Variants in FGF12 observed in about 807,000 individuals in gnomAD.
The protein encoded by FGF12 is fibroblast growth factor 12.
In FGF12, 14 loss-of-function variants were observed where a neutral mutation model predicts 23.6. That is an observed-to-expected ratio of 0.59 (90% CI 0.39 to 0.93). The LOEUF (loss-of-function observed/expected upper bound fraction) is 0.93. FGF12 is among the 40% of genes least tolerant of loss of function. FGF12 has a pLI of 0.00. For missense variants in FGF12, 175 were observed against 217.8 expected, an observed-to-expected ratio of 0.80 and a Z score of 1.24; for synonymous variants, 62 against 77.3, an observed-to-expected ratio of 0.80 and a Z score of 1.04.
chr3:192,286,709 T>C (rs1178845896), intron 4 of FGF12, among the ~76,000 whole-genome samples: 1 of 152,016 alleles, frequency 6.6e-6, no homozygotes, highest in Non-Finnish European at 1.5e-5. Context: ...AAGACAATGG[T>C]TTATTGTTGT....
chr3:192,547,149 C>G (rs893460831), intron 2 of FGF12, among the ~76,000 whole-genome samples: 1 of 152,170 alleles, frequency 6.6e-6, no homozygotes. Flanking sequence ...TTTCACATAT[C>G]AAAAGAAACC....
intron 2 of FGF12, among the ~76,000 whole-genome samples, chr3:192,378,035 T>TC (rs1491033412): frequency 0.011 from 655 of 57,996 alleles, 109 homozygotes; most frequent in African/African-American, 0.059. Flanking sequence ...CTTTTCTTTC[T>TC]TTCTTTCTTT....
At chr3:192,645,654 A>G (rs1560180065) in intron 2 of FGF12, among the ~76,000 whole-genome samples, 1 of 152,018 alleles carries the variant, frequency 6.6e-6, no homozygotes, top group Non-Finnish European at 1.5e-5. Flanking sequence ...GGCAGTCATC[A>G]GAGTACAGGT....
rs1716160893 is a variant in FGF12 at position 192,181,361 on chromosome 3, A to G, written c.229-10705T>C. ...CAAGACAAGACCTACACGCACACAC[A>G]CAGACACACACACACAGACACACAC... On this transcript the variant is annotated intron_variant, in intron 4 of 5. Coordinates refer to ENST00000445105, the MANE Select transcript of FGF12 (RefSeq NM_004113.6). Among the ~76,000 whole-genome samples, 7 of 141,968 alleles carry G rather than the reference A, an allele frequency of 4.9e-5. No homozygotes were observed. The South Asian group carries it at 1.5e-3, about 31-fold the overall frequency. 93.1% of individuals were successfully genotyped at this position (141,968 alleles called of 152,430 possible).
chr3:192,724,682 T>C (rs1009870484), intron 2 of FGF12, among the ~76,000 whole-genome samples: 4 of 152,186 alleles, frequency 2.6e-5, no homozygotes, highest in African/African-American at 9.7e-5. Flanking sequence ...TTTCCTCTCT[T>C]CTTTACCCTG....
Position 192,441,215 on chromosome 3 carries a change from A to T in FGF12, c.14-80677T>A, listed in dbSNP as rs565354399. On this transcript the variant is annotated intron_variant, in intron 2 of 5. Transcript: ENST00000445105. Reference sequence around the variant, plus strand: ...AAGATTCAGTGAAATGAGATAGTATACTTTAAAGCAACAGCATTCATCACA... The same window carrying T: ...AAGATTCAGTGAAATGAGATAGTATTCTTTAAAGCAACAGCATTCATCACA... 5.9e-5 allele frequency among the ~76,000 whole-genome samples: 9 copies of T among 152,372 alleles called. No individual in the cohort carries two copies. The East Asian group carries it at 1.7e-3, about 29-fold the overall frequency.
rs181779233 is a variant in FGF12 at position 192,140,176 on chromosome 3, A to G, written c.*3833T>C. ...CCACAAATCAAATAAAAACTCATAT[A>G]ATATATCCTTATTTCAGAAGCATAT... On this transcript the variant is annotated 3_prime_UTR_variant, in exon 6 of 6. Transcript: ENST00000445105. 13 of 152,174 alleles carry G rather than the reference A, an allele frequency of 8.5e-5. 1 individual carries two copies. Among genetic ancestry groups the G allele is most frequent in the Admixed American group, 7.9e-4 (12 of 15,284 alleles). 9.4% of individuals were successfully genotyped at this position (152,174 alleles called of 1,614,324 possible). A position where few individuals can be genotyped will look rare whatever the true frequency, so the allele number is the denominator to read the frequency against.
intron 2 of FGF12, among the ~76,000 whole-genome samples, chr3:192,716,663 C>T (rs1718876803): frequency 6.6e-6 from 1 of 152,134 alleles, no homozygotes; most frequent in South Asian, 2.1e-4. Flanking sequence ...GGGTCAAATG[C>T]TAACAACAAG....
intron 2 of FGF12, among the ~76,000 whole-genome samples, chr3:192,557,283 A>C (rs553945586): frequency 6.6e-6 from 1 of 151,830 alleles, no homozygotes; most frequent in African/African-American, 2.4e-5. Context: ...TTGAAAAGAT[A>C]ATCAACAAAC....
At chr3:192,660,016 A>G (rs1294681737) in intron 2 of FGF12, among the ~76,000 whole-genome samples, 5 of 151,850 alleles carry the variant, frequency 3.3e-5, no homozygotes, top group African/African-American at 1.2e-4. Context: ...CTGGGTATAT[A>G]CCCAAAGGAT....
At chr3:192,260,587 A>G (rs1435552190) in intron 4 of FGF12, among the ~76,000 whole-genome samples, 3 of 152,164 alleles carry the variant, frequency 2.0e-5, no homozygotes, top group Non-Finnish European at 4.4e-5. Flanking sequence ...AACATATTCC[A>G]TTACTCTTGG....
intron 2 of FGF12, among the ~76,000 whole-genome samples, chr3:192,442,233 G>C (rs1722220422): frequency 6.6e-6 from 1 of 152,198 alleles, no homozygotes; most frequent in African/African-American, 2.4e-5. Flanking sequence ...CTGTATGTCT[G>C]TGCATTCATT....
intron 2 of FGF12, among the ~76,000 whole-genome samples, chr3:192,682,363 C>CT (rs1167901160): frequency 2.0e-5 from 3 of 152,150 alleles, no homozygotes; most frequent in African/African-American, 7.2e-5. Flanking sequence ...GGTCCCAAAT[C>CT]TGAGGTCTTG....
chr3:192,334,250 C>A (rs1227875936), intron 4 of FGF12, among the ~76,000 whole-genome samples: 1 of 152,062 alleles, frequency 6.6e-6, no homozygotes, highest in Non-Finnish European at 1.5e-5. Context: ...GAGGCTGCTT[C>A]TTCTGTGCAG....
intron 2 of FGF12, among the ~76,000 whole-genome samples, chr3:192,632,661 A>G (rs1715432097): frequency 6.6e-6 from 1 of 152,212 alleles, no homozygotes; most frequent in Non-Finnish European, 1.5e-5. Context: ...TCTTAATTTG[A>G]TTCTGGTTCA....
At chr3:192,520,349 C>T (rs1033334703) in intron 2 of FGF12, among the ~76,000 whole-genome samples, 5 of 152,032 alleles carry the variant, frequency 3.3e-5, no homozygotes, top group African/African-American at 7.2e-5. Context: ...GCCTGACTTC[C>T]GTTATTTATA....
chr3:192,240,719 G>T (rs751083071), intron 4 of FGF12, among the ~76,000 whole-genome samples: 1 of 152,068 alleles, frequency 6.6e-6, no homozygotes, highest in Non-Finnish European at 1.5e-5. Context: ...ATCTTGGTCT[G>T]ATATTTTGTC....
At chr3:192,147,007 G>T (rs939588342) in intron 5 of FGF12, among the ~76,000 whole-genome samples, 4 of 152,042 alleles carry the variant, frequency 2.6e-5, no homozygotes, top group Admixed American at 2.6e-4. Flanking sequence ...GTTAGAAAAC[G>T]ACAAGTAAAA....
chr3:192,651,118 A>G (rs1487528464), intron 2 of FGF12, among the ~76,000 whole-genome samples: 2 of 152,202 alleles, frequency 1.3e-5, no homozygotes, highest in African/African-American at 4.8e-5. Flanking sequence ...AATTCAGGTG[A>G]ATTTCCAAAA....
Sources: gnomAD v4.1 joint callset for allele counts (sites outside exome capture counted in the v4.1 genomes callset) on GRCh38, gnomAD v4.1.1 for gene constraint, MANE v1.5 for transcripts, NCBI Gene and HGNC (gene_info 2026-07-23, HGNC 2026-07-21) for gene names.